Variants in CERS6 observed in about 807,000 individuals in gnomAD.
CERS6 encodes the protein ceramide synthase 6.
In CERS6, 26 loss-of-function variants were observed where a neutral mutation model predicts 56.8. That is an observed-to-expected ratio of 0.46 (90% confidence interval 0.34 to 0.63). CERS6 has a LOEUF of 0.63. Among genes scored for constraint, CERS6 ranks in the 30% least tolerant of loss-of-function variants. The pLI, the probability that CERS6 is intolerant of heterozygous loss-of-function variation, is 0.01. For missense variants in CERS6, 415 were observed against 467.5 expected (o/e 0.89, Z 1.04); for synonymous variants, 164 against 173.3 (o/e 0.95, Z 0.42).
chr2:168,498,531 T>C (rs951817841), intron 1 of CERS6, among the ~76,000 whole-genome samples: 1 of 152,182 alleles, frequency 6.6e-6, no homozygotes, highest in Non-Finnish European at 1.5e-5. Flanking sequence ...GCTATGAATA[T>C]TCACGAGAGG....
At chr2:168,687,692 A>G (rs896389732) in intron 4 of CERS6, among the ~76,000 whole-genome samples, 17 of 152,202 alleles carry the variant, frequency 1.1e-4, no homozygotes, top group African/African-American at 4.1e-4. Flanking sequence ...AATGTGAATC[A>G]TAGGTTATAA....
intron 6 of CERS6, among the ~76,000 whole-genome samples, chr2:168,695,284 A>T (rs1168490795): frequency 6.6e-6 from 1 of 152,138 alleles, no homozygotes; most frequent in Non-Finnish European, 1.5e-5. Context: ...CCATGTAATA[A>T]TGTAGCAATG....
At chr2:168,552,272 C>A in intron 2 of CERS6, among the ~76,000 whole-genome samples, 1 of 150,912 alleles carries the variant, frequency 6.6e-6, no homozygotes, top group East Asian at 1.9e-4. Flanking sequence ...ATTTCTTTGC[C>A]TGGAAATCTT....
Position 168,690,225 on chromosome 2 carries a change from A to G in CERS6, c.466-809A>G, listed in dbSNP as rs749573566. On this transcript the variant is annotated intron_variant, in intron 4 of 9. Transcript: ENST00000305747. Reference sequence around the variant, plus strand: ...ATAGATGTATATCAAATGTATATAGATGTATATCAGAAAGTGCTGAGAGCT... The same window carrying G: ...ATAGATGTATATCAAATGTATATAGGTGTATATCAGAAAGTGCTGAGAGCT... Among the ~76,000 whole-genome samples the G allele has an allele frequency of 9.9e-5, 15 of 152,146 alleles. No homozygotes were observed. In the South Asian group the frequency reaches 2.9e-3, roughly 29 times the overall value.
intron 1 of CERS6, among the ~76,000 whole-genome samples, chr2:168,476,782 A>T (rs1366705309): frequency 1.3e-5 from 2 of 151,870 alleles, no homozygotes; most frequent in Non-Finnish European, 2.9e-5. Context: ...TTTTTTTTCT[A>T]TCCAAGACCC....
chr2:168,558,841 C>T (rs1452177852), intron 2 of CERS6, among the ~76,000 whole-genome samples: 1 of 152,188 alleles, frequency 6.6e-6, no homozygotes, highest in East Asian at 1.9e-4. Context: ...TGCACTCCAG[C>T]CTGGGCGACA....
intron 3 of CERS6, among the ~76,000 whole-genome samples, chr2:168,610,495 TA>T (rs1684161553): frequency 1.3e-5 from 2 of 152,202 alleles, no homozygotes; most frequent in Admixed American, 1.3e-4. Flanking sequence ...TAATAACAAA[TA>T]GAATGTATTT....
intron 1 of CERS6, among the ~76,000 whole-genome samples, chr2:168,515,890 C>T (rs958209868): frequency 6.6e-6 from 1 of 152,150 alleles, no homozygotes; most frequent in African/African-American, 2.4e-5. Context: ...AGCACCAGCT[C>T]ATGGAGATGA....
chr2:168,742,425 G>T (rs923453871), intron 8 of CERS6, among the ~76,000 whole-genome samples: 1 of 152,162 alleles, frequency 6.6e-6, no homozygotes, highest in Non-Finnish European at 1.5e-5. Context: ...GTATGGCCAC[G>T]AGGGACACTC....
intron 6 of CERS6, among the ~76,000 whole-genome samples, chr2:168,707,699 G>A (rs954121862): frequency 2.0e-5 from 3 of 152,152 alleles, no homozygotes; most frequent in Non-Finnish European, 4.4e-5. Flanking sequence ...AAGTTGGTAA[G>A]AGATGGTTAT....
chr2:168,691,131 C>T lies in CERS6; in HGVS notation c.516+47C>T, dbSNP rs1414923078. Reference sequence around the variant, plus strand: ...GGTTTTTACACACATTAAGTATCTACCTTCGGTCAATTTCATGGTCTCAGG... The same window carrying T: ...GGTTTTTACACACATTAAGTATCTATCTTCGGTCAATTTCATGGTCTCAGG... On this transcript the variant is annotated intron_variant, in intron 5 of 9. Coordinates refer to ENST00000305747, the MANE Select transcript of CERS6 (RefSeq NM_203463.3). 9.6e-6 allele frequency: 15 copies of T among 1,563,146 alleles called. No individual in the cohort carries two copies. In the South Asian group the frequency reaches 1.4e-4, roughly 15 times the overall value.
chr2:168,663,119 C>T (rs1428565029), intron 4 of CERS6, among the ~76,000 whole-genome samples: 1 of 152,220 alleles, frequency 6.6e-6, no homozygotes, highest in African/African-American at 2.4e-5. Context: ...ATGTGGTTCT[C>T]TCCCTTTGAG....
chr2:168,694,349 A>G (rs1412510040), intron 5 of CERS6, among the ~76,000 whole-genome samples: 1 of 152,218 alleles, frequency 6.6e-6, no homozygotes, highest in Non-Finnish European at 1.5e-5. Context: ...GCTGAGCTGT[A>G]GAGCTGAGAC....
intron 8 of CERS6, among the ~76,000 whole-genome samples, chr2:168,737,327 C>T (rs1007528923): frequency 8.5e-5 from 13 of 152,186 alleles, no homozygotes; most frequent in South Asian, 2.1e-4. Flanking sequence ...AATATTGGCT[C>T]GCAGAAAGAC....
intron 8 of CERS6, among the ~76,000 whole-genome samples, chr2:168,727,051 A>AT: frequency 6.6e-6 from 1 of 152,194 alleles, no homozygotes; most frequent in East Asian, 1.9e-4. Flanking sequence ...CCAGTTAATG[A>AT]TTTTCCACAT....
At chr2:168,482,977 G>A (rs1694205067) in intron 1 of CERS6, among the ~76,000 whole-genome samples, 1 of 152,198 alleles carries the variant, frequency 6.6e-6, no homozygotes, top group South Asian at 2.1e-4. Flanking sequence ...GCATGTGATA[G>A]TCTGGACAGT....
intron 3 of CERS6, among the ~76,000 whole-genome samples, chr2:168,604,387 A>C (rs996238243): frequency 4.9e-5 from 1 of 20,586 alleles, no homozygotes; most frequent in African/African-American, 1.2e-4. Context: ...GAGCAGTTGT[A>C]TACGTGTGTG....
At chr2:168,732,045 G>A (rs1683554421) in intron 8 of CERS6, among the ~76,000 whole-genome samples, 1 of 152,120 alleles carries the variant, frequency 6.6e-6, no homozygotes, top group African/African-American at 2.4e-5. Flanking sequence ...GAAGAGGTAG[G>A]GAAGAAACAG....
chr2:168,645,308 G>A (rs1291510726), intron 4 of CERS6, among the ~76,000 whole-genome samples: 1 of 149,746 alleles, frequency 6.7e-6, no homozygotes, highest in Admixed American at 6.7e-5. Context: ...AAACTGTGGG[G>A]TTTTTTGTGA....
Sources: allele counts gnomAD v4.1 joint callset (sites outside exome capture counted in the v4.1 genomes callset), GRCh38; gene constraint gnomAD v4.1.1; transcripts MANE v1.5; gene names NCBI Gene and HGNC (gene_info 2026-07-23, HGNC 2026-07-21).